MSRA: variants seen among roughly 807,000 people sequenced by gnomAD.
MSRA encodes the protein methionine sulfoxide reductase A, also known as mitochondrial peptide methionine sulfoxide reductase.
In MSRA, 54 loss-of-function variants were observed where a neutral mutation model predicts 31.3. The ratio of observed to expected loss-of-function variants is 1.73; its 90% CI spans 1.39 to 2.17. The LOEUF is 2.17. Among genes scored for constraint, MSRA ranks in the 30% most tolerant of loss-of-function variants. MSRA has a pLI of 0.00. For missense variants in MSRA, 507 were observed against 300.9 expected (o/e 1.69, Z -5.07); for synonymous variants, 169 against 116.5 (o/e 1.45, Z -2.90).
At chr8:10,363,778 A>ACACACACACT in intron 5 of MSRA, among the ~76,000 whole-genome samples, 1 of 150,874 alleles carries the variant, frequency 6.6e-6, no homozygotes, top group Non-Finnish European at 1.5e-5. Flanking sequence ...ACACACACAC[A>ACACACACACT]CTAGCTGGTT....
chr8:10,263,904 A>G (rs1431993101), intron 3 of MSRA, among the ~76,000 whole-genome samples: 5 of 152,218 alleles, frequency 3.3e-5, no homozygotes, highest in East Asian at 1.9e-4. Context: ...GGTCATTTTA[A>G]AAGCTTTGTT....
intron 3 of MSRA, among the ~76,000 whole-genome samples, chr8:10,274,353 C>T (rs535251989): frequency 1.6e-4 from 25 of 152,198 alleles, no homozygotes; most frequent in African/African-American, 4.1e-4. Flanking sequence ...TCAGAGGGAC[C>T]AAGACCAGGG....
intron 1 of MSRA, among the ~76,000 whole-genome samples, chr8:10,192,475 A>G (rs965909606): frequency 3.9e-5 from 6 of 152,294 alleles, no homozygotes; most frequent in South Asian, 4.2e-4. Context: ...TTCCTATTCT[A>G]ATAAGAAATT....
intron 3 of MSRA, among the ~76,000 whole-genome samples, chr8:10,259,343 G>C (rs964290894): frequency 9.9e-5 from 15 of 152,124 alleles, no homozygotes; most frequent in African/African-American, 3.6e-4. Context: ...GGAGTGTTCT[G>C]TAAATATCGA....
chr8:10,183,004 A>G (rs1213004406), intron 1 of MSRA, among the ~76,000 whole-genome samples: 2 of 152,214 alleles, frequency 1.3e-5, no homozygotes, highest in African/African-American at 4.8e-5. Flanking sequence ...AGTCTTTAAA[A>G]TAGCACATTC....
intron 1 of MSRA, among the ~76,000 whole-genome samples, chr8:10,172,139 G>T (rs1231470522): frequency 1.3e-5 from 2 of 152,204 alleles, no homozygotes; most frequent in Non-Finnish European, 2.9e-5. Flanking sequence ...ACAGATGCAT[G>T]CTCCCTCCAT....
At chr8:10,067,828 G>T (rs1302365351) in intron 1 of MSRA, among the ~76,000 whole-genome samples, 1 of 131,136 alleles carries the variant, frequency 7.6e-6, no homozygotes, top group Non-Finnish European at 1.7e-5. Context: ...TGATGTGTCT[G>T]TTCAAATCTT....
At chr8:10,216,569 C>A (rs1334907849) in intron 2 of MSRA, among the ~76,000 whole-genome samples, 1 of 152,182 alleles carries the variant, frequency 6.6e-6, no homozygotes, top group Non-Finnish European at 1.5e-5. Context: ...ACACTAAACA[C>A]CGTCTAGTCC....
chr8:10,280,738 A>G (rs1227930861), intron 3 of MSRA, among the ~76,000 whole-genome samples: 3 of 152,252 alleles, frequency 2.0e-5, no homozygotes, highest in Non-Finnish European at 4.4e-5. Flanking sequence ...TAGCAGCATT[A>G]TTTGACTATT....
intron 1 of MSRA, among the ~76,000 whole-genome samples, chr8:10,108,846 C>G (rs1248516784): frequency 6.6e-6 from 1 of 151,920 alleles, no homozygotes; most frequent in Non-Finnish European, 1.5e-5. Context: ...CTCCTTTTAC[C>G]TCAACATAAA....
At chr8:10,295,066 G>T (rs1293580003) in intron 3 of MSRA, among the ~76,000 whole-genome samples, 1 of 152,158 alleles carries the variant, frequency 6.6e-6, no homozygotes, top group South Asian at 2.1e-4. Flanking sequence ...GCACTCCTGG[G>T]CGGCAGGACA....
intron 1 of MSRA, among the ~76,000 whole-genome samples, chr8:10,133,786 C>G (rs1585223188): frequency 6.6e-6 from 1 of 152,094 alleles, no homozygotes; most frequent in African/African-American, 2.4e-5. Context: ...TTATCCTGAC[C>G]TGTCAGTTTA....
chr8:10,190,859 C>T (rs934379816), intron 1 of MSRA, among the ~76,000 whole-genome samples: 32 of 152,112 alleles, frequency 2.1e-4, no homozygotes, highest in South Asian at 6.2e-4. Flanking sequence ...CCCGTCCTTA[C>T]GTGTTTTTGC....
At chr8:10,070,233 T>G (rs1049396496) in intron 1 of MSRA, among the ~76,000 whole-genome samples, 1 of 152,202 alleles carries the variant, frequency 6.6e-6, no homozygotes, top group Non-Finnish European at 1.5e-5. Flanking sequence ...TGCATTTGGA[T>G]TGGTTTCTAA....
chr8:10,348,313 A>G (rs1379867391), intron 5 of MSRA, among the ~76,000 whole-genome samples: 5 of 145,284 alleles, frequency 3.4e-5, no homozygotes, highest in Admixed American at 6.9e-5. Context: ...CACCAGCAGC[A>G]TGGCCAAATG....
At chr8:10,098,324 C>T (rs1799309555) in intron 1 of MSRA, among the ~76,000 whole-genome samples, 1 of 152,256 alleles carries the variant, frequency 6.6e-6, no homozygotes, top group East Asian at 1.9e-4. Context: ...TATTTAACTG[C>T]TACTTGATAC....
chr8:10,226,858 T>A (rs1012580804), intron 2 of MSRA, among the ~76,000 whole-genome samples: 1 of 152,192 alleles, frequency 6.6e-6, no homozygotes, highest in East Asian at 1.9e-4. Flanking sequence ...TCTCAGGTCC[T>A]CAGGAGGAGT....
At chr8:10,360,979 C>T (rs1175570120) in intron 5 of MSRA, among the ~76,000 whole-genome samples, 1 of 152,216 alleles carries the variant, frequency 6.6e-6, no homozygotes. Context: ...CACTTGTCTG[C>T]TTCTTTGCCT....
intron 1 of MSRA, among the ~76,000 whole-genome samples, chr8:10,113,780 A>G (rs1301682697): frequency 6.6e-5 from 10 of 151,764 alleles, no homozygotes; most frequent in Non-Finnish European, 1.5e-4. Flanking sequence ...TTTTTTTTAA[A>G]AAAAAGATTA....
Sources: gnomAD v4.1 joint callset for allele counts (sites outside exome capture counted in the v4.1 genomes callset) on GRCh38, gnomAD v4.1.1 for gene constraint, MANE v1.5 for transcripts, NCBI Gene and HGNC (gene_info 2026-07-23, HGNC 2026-07-21) for gene names.